The following PRKG1 variants were observed in gnomAD, a reference collection of about 807,000 sequenced individuals.
PRKG1 encodes the protein cGMP-dependent protein kinase 1.
PRKG1 carries 35 observed loss-of-function variants against 88.1 expected under a neutral mutation model. The observed-to-expected ratio is 0.40, with a 90% CI of 0.30 to 0.53. The LOEUF is 0.53. PRKG1 is among the 20% of genes least tolerant of loss of function. PRKG1 has a pLI of 0.59. For missense variants in PRKG1, 540 were observed against 839.8 expected (o/e 0.64, Z 4.41); for synonymous variants, 303 against 292.5 (o/e 1.04, Z -0.37).
chr10:52,186,285 A>C (rs1839198622), intron 9 of PRKG1, among the ~76,000 whole-genome samples: 1 of 152,116 alleles, frequency 6.6e-6, no homozygotes, highest in Non-Finnish European at 1.5e-5. Context: ...CAAGAGAGAG[A>C]GAGGTGGAGC....
intron 2 of PRKG1, among the ~76,000 whole-genome samples, chr10:51,197,792 A>C (rs1246496321): frequency 2.0e-5 from 3 of 149,860 alleles, no homozygotes; most frequent in African/African-American, 7.3e-5. Flanking sequence ...GCAGCTTAGC[A>C]GGTTTAAGAG....
intron 3 of PRKG1, among the ~76,000 whole-genome samples, chr10:51,795,896 A>G (rs1049391083): frequency 2.0e-5 from 3 of 152,088 alleles, no homozygotes; most frequent in Admixed American, 6.6e-5. Flanking sequence ...CTTACCTACT[A>G]TCTGAGAATG....
At chr10:51,182,377 T>C (rs977565657) in intron 2 of PRKG1, among the ~76,000 whole-genome samples, 1 of 152,204 alleles carries the variant, frequency 6.6e-6, no homozygotes, top group Admixed American at 6.5e-5. Flanking sequence ...ATATCAACAG[T>C]TCCAAAGGCC....
At position 51,976,745 on chromosome 10, in the gene PRKG1, C is replaced by T. The variant is rs377310549; in HGVS notation, c.762+69175C>T. Among the ~76,000 whole-genome samples the T allele has an allele frequency of 9.9e-5, 15 of 151,912 alleles. No homozygotes were observed. In the East Asian group the frequency reaches 2.1e-3, roughly 22 times the overall value. On this transcript the variant is annotated intron_variant, in intron 5 of 17. Coordinates refer to ENST00000373980, the MANE Select transcript of PRKG1 (RefSeq NM_006258.4). ...ACACTGAACTGTACAGTTTAAAAGG[C>T]TGAATTTTATGGCTTGTGAATTATA...
At chr10:51,162,630 T>G (rs780321469) in intron 2 of PRKG1, among the ~76,000 whole-genome samples, 36 of 152,208 alleles carry the variant, frequency 2.4e-4, no homozygotes, top group Non-Finnish European at 4.9e-4. Context: ...CATCCAACTT[T>G]ACTGAAGTGG....
intron 1 of PRKG1, among the ~76,000 whole-genome samples, chr10:51,056,674 T>C (rs1310095080): frequency 6.6e-6 from 1 of 152,176 alleles, no homozygotes; most frequent in African/African-American, 2.4e-5. Flanking sequence ...GCTGAAACTG[T>C]AGCTACCTTT....
At chr10:52,119,036 C>T (rs1234921937) in intron 7 of PRKG1, among the ~76,000 whole-genome samples, 1 of 151,912 alleles carries the variant, frequency 6.6e-6, no homozygotes, top group South Asian at 2.1e-4. Context: ...AGTGATCGTG[C>T]TTGATTTCTA....
At chr10:51,903,089 A>G (rs570577316) in intron 4 of PRKG1, among the ~76,000 whole-genome samples, 1 of 152,234 alleles carries the variant, frequency 6.6e-6, no homozygotes, top group South Asian at 2.1e-4. Flanking sequence ...AGGTTAACAT[A>G]AATAAAATTA....
intron 6 of PRKG1, among the ~76,000 whole-genome samples, chr10:52,062,274 TGAG>T: frequency 6.6e-6 from 1 of 152,200 alleles, no homozygotes; most frequent in East Asian, 1.9e-4. Flanking sequence ...AGAATAGAGA[TGAG>T]GAGTGAGATC....
chr10:51,539,045 T>C (rs1039692065), intron 3 of PRKG1, among the ~76,000 whole-genome samples: 2 of 152,124 alleles, frequency 1.3e-5, no homozygotes, highest in African/African-American at 4.8e-5. Flanking sequence ...GCAAATTGAT[T>C]TGGTGTTATG....
At chr10:51,715,082 A>T (rs1841854731) in intron 3 of PRKG1, among the ~76,000 whole-genome samples, 1 of 152,172 alleles carries the variant, frequency 6.6e-6, no homozygotes, top group African/African-American at 2.4e-5. Context: ...TTCTCAAAGG[A>T]TATCTAAGAC....
At chr10:51,433,304 C>A (rs1054286716) in intron 2 of PRKG1, among the ~76,000 whole-genome samples, 1 of 152,116 alleles carries the variant, frequency 6.6e-6, no homozygotes, top group Middle Eastern at 3.4e-3. Flanking sequence ...AGACTCTTCA[C>A]GTAGAAGAAA....
At chr10:51,955,321 G>T (rs555024849) in intron 5 of PRKG1, among the ~76,000 whole-genome samples, 3 of 152,148 alleles carry the variant, frequency 2.0e-5, no homozygotes, top group African/African-American at 7.2e-5. Context: ...TATAGGTTAA[G>T]GTGCTCAGGA....
chr10:50,994,748 C>T (rs1411148336), intron 1 of PRKG1, among the ~76,000 whole-genome samples: 1 of 150,672 alleles, frequency 6.6e-6, no homozygotes, highest in African/African-American at 2.4e-5. Context: ...AAAGTGCAGT[C>T]GGCCCCTTCT....
intron 9 of PRKG1, among the ~76,000 whole-genome samples, chr10:52,200,588 T>C (rs954724488): frequency 4.6e-5 from 7 of 152,194 alleles, no homozygotes; most frequent in Non-Finnish European, 1.0e-4. Flanking sequence ...AATGGATTTC[T>C]GGGTTGAACA....
intron 2 of PRKG1, among the ~76,000 whole-genome samples, chr10:51,418,054 T>C (rs1039797931): frequency 6.6e-6 from 1 of 152,210 alleles, no homozygotes; most frequent in Non-Finnish European, 1.5e-5. Context: ...AGTAAATGTT[T>C]ATCGTTTTTA....
intron 4 of PRKG1, among the ~76,000 whole-genome samples, chr10:51,861,850 C>T (rs188194451): frequency 3.3e-5 from 5 of 152,348 alleles, no homozygotes; most frequent in Admixed American, 3.3e-4. Context: ...CAGGTGGTGC[C>T]TCTGCCTGGG....
At chr10:51,492,278 G>A (rs145600731) in intron 3 of PRKG1, among the ~76,000 whole-genome samples, 1 of 152,216 alleles carries the variant, frequency 6.6e-6, no homozygotes, top group Non-Finnish European at 1.5e-5. Flanking sequence ...CACGTAGAAT[G>A]TTTTTATAAG....
At chr10:51,301,128 C>G (rs1266546696) in intron 2 of PRKG1, among the ~76,000 whole-genome samples, 1 of 152,252 alleles carries the variant, frequency 6.6e-6, no homozygotes, top group South Asian at 2.1e-4. Context: ...AGTCCAGCAA[C>G]AGATTAGTGA....
Sources: allele counts gnomAD v4.1 joint callset (sites outside exome capture counted in the v4.1 genomes callset), GRCh38; gene constraint gnomAD v4.1.1; transcripts MANE v1.5; gene names NCBI Gene and HGNC (gene_info 2026-07-23, HGNC 2026-07-21).